The following COL13A1 variants were observed in gnomAD, a reference collection of about 807,000 sequenced individuals.
COL13A1 encodes the protein collagen type XIII alpha 1 chain, also known as collagen alpha-1(XIII) chain.
COL13A1 carries 89 observed loss-of-function variants against 130.9 expected under a neutral mutation model. That is an observed-to-expected ratio of 0.68 (90% CI 0.57 to 0.81). COL13A1 has a LOEUF of 0.81. Among genes scored for constraint, COL13A1 ranks in the 30% least tolerant of loss-of-function variants. The pLI, the probability that COL13A1 is intolerant of heterozygous loss-of-function variation, is 0.00. For missense variants in COL13A1, 879 were observed against 934.6 expected, an observed-to-expected ratio of 0.94 and a Z score of 0.78; for synonymous variants, 402 against 341.6, an observed-to-expected ratio of 1.18 and a Z score of -1.95.
chr10:69,936,107 A>C (rs1335382890), intron 32 of COL13A1, among the ~76,000 whole-genome samples: 2 of 5,514 alleles, frequency 3.6e-4, no homozygotes, highest in East Asian at 3.3e-3. Flanking sequence ...GAAGGGAGGA[A>C]GGAAGGAAGG....
chr10:69,875,291 C>T lies in COL13A1; in HGVS notation c.435+128C>T, dbSNP rs187940484. 2.0e-3 allele frequency: 2,317 copies of T among 1,134,052 alleles called. 15 individuals carry two copies. Among genetic ancestry groups the T allele is most frequent in the Middle Eastern group, 0.017 (85 of 5,014 alleles). The allele number at this position is 1,134,052 out of a possible 1,614,324, so 70.2% of individuals were successfully genotyped here. A position where few individuals can be genotyped will look rare whatever the true frequency, so the allele number is the denominator to read the frequency against. ...GAGGGGGTCAGCACTTTCCCTTCCC[C>T]AAGCCCCAGTGTGCTTTAGGGAGGG... On this transcript the variant is annotated intron_variant, in intron 5 of 40. Coordinates refer to ENST00000645393, the MANE Select transcript of COL13A1 (RefSeq NM_001368882.1).
At chr10:69,888,452 G>A (rs2060818202) in intron 9 of COL13A1, 122 bp downstream of exon 9, 6 of 1,385,618 alleles carry the variant, frequency 4.3e-6, no homozygotes, top group South Asian at 1.3e-5. Flanking sequence ...GGGGCTGAAG[G>A]TTGTCACTAG....
At chr10:69,947,915 A>G (rs1395599776) in intron 38 of COL13A1, among the ~76,000 whole-genome samples, 1 of 152,188 alleles carries the variant, frequency 6.6e-6, no homozygotes, top group African/African-American at 2.4e-5. Context: ...ACCAGGACAC[A>G]CTTACCAAAT....
chr10:69,810,327 G>A (rs1358382245), intron 1 of COL13A1, among the ~76,000 whole-genome samples: 1 of 133,248 alleles, frequency 7.5e-6, no homozygotes, highest in South Asian at 2.3e-4. Flanking sequence ...TCTGCGGCTG[G>A]ACCTGGCAGG....
chr10:69,907,899 CT>C (rs2099931005), intron 17 of COL13A1, among the ~76,000 whole-genome samples: 1 of 152,238 alleles, frequency 6.6e-6, no homozygotes, highest in Non-Finnish European at 1.5e-5. Context: ...ATCTAATCAC[CT>C]CTTAAAGGTC....
At chr10:69,859,471 C>T (rs114796155) in intron 2 of COL13A1, among the ~76,000 whole-genome samples, 2,019 of 152,324 alleles carry the variant, frequency 0.013, 40 homozygotes, top group African/African-American at 0.046. Flanking sequence ...CTCCGGCAGT[C>T]GCCGGGCAGG....
chr10:69,922,824 A>AGGT (rs1400702890), intron 23 of COL13A1, 30 bp downstream of exon 23: 4 of 1,486,844 alleles, frequency 2.7e-6, no homozygotes, highest in Non-Finnish European at 3.6e-6. Flanking sequence ...GGTGTTGGGG[A>AGGT]GGTGCTTACC....
intron 1 of COL13A1, among the ~76,000 whole-genome samples, chr10:69,814,182 G>A (rs186155984): frequency 1.4e-3 from 209 of 152,320 alleles, no homozygotes; most frequent in East Asian, 6.2e-3. Context: ...CACAGGGGCC[G>A]GAGCTTCGTC....
chr10:69,894,449 G>C, intron 10 of COL13A1, 103 bp from the exon 11 acceptor site: 1 of 1,367,464 alleles, frequency 7.3e-7, no homozygotes, highest in Non-Finnish European at 1.0e-6. Flanking sequence ...ATGGCTGGTA[G>C]AGCCCAGCCT....
intron 20 of COL13A1, 121 bp downstream of exon 20, chr10:69,919,209 C>A: frequency 1.5e-6 from 2 of 1,323,824 alleles, no homozygotes; most frequent in Non-Finnish European, 2.1e-6. Context: ...GGGGACCTGG[C>A]TAAGCAGAGA....
intron 22 of COL13A1, 109 bp downstream of exon 22, chr10:69,922,044 T>G: frequency 1.5e-6 from 2 of 1,354,258 alleles, no homozygotes; most frequent in South Asian, 1.5e-5. Flanking sequence ...TCTCCCAGAC[T>G]GCAGGAAAGG....
At chr10:69,867,727 T>C in intron 2 of COL13A1, 71 bp from the exon 3 acceptor site, 1 of 715,362 alleles carries the variant, frequency 1.4e-6, no homozygotes. Flanking sequence ...TGGACACTGC[T>C]TCCAAGGCGG....
At chr10:69,833,920 T>G in intron 2 of COL13A1, among the ~76,000 whole-genome samples, 1 of 151,934 alleles carries the variant, frequency 6.6e-6, no homozygotes, top group African/African-American at 2.4e-5. Context: ...AAAGCCAGCT[T>G]CTATTTGGTG....
At chr10:69,860,127 G>C (rs908746662) in intron 2 of COL13A1, among the ~76,000 whole-genome samples, 1 of 152,190 alleles carries the variant, frequency 6.6e-6, no homozygotes, top group Admixed American at 6.5e-5. Flanking sequence ...CTCACTCTGG[G>C]GTTCCCGGCC....
intron 35 of COL13A1, among the ~76,000 whole-genome samples, chr10:69,941,278 G>A (rs1474723842): frequency 6.6e-6 from 1 of 152,182 alleles, no homozygotes; most frequent in African/African-American, 2.4e-5. Context: ...TGGGGTGGGA[G>A]GCCACTCCAG....
chr10:69,897,869 C>T (rs536615799), intron 13 of COL13A1, among the ~76,000 whole-genome samples: 2 of 152,352 alleles, frequency 1.3e-5, no homozygotes, highest in African/African-American at 4.8e-5. Flanking sequence ...CCACGGGTTG[C>T]TCAGCTTCAA....
intron 2 of COL13A1, among the ~76,000 whole-genome samples, chr10:69,823,800 C>A (rs1477353363): frequency 6.6e-6 from 1 of 152,162 alleles, no homozygotes; most frequent in Admixed American, 6.5e-5. Flanking sequence ...AGCTCCCTCC[C>A]TCCCTCTGGG....
chr10:69,882,166 GCCC>G (rs1209099765), intron 7 of COL13A1, among the ~76,000 whole-genome samples: 3 of 152,230 alleles, frequency 2.0e-5, no homozygotes, highest in African/African-American at 7.2e-5. Flanking sequence ...CGAGGACTGA[GCCC>G]GGTGTGTTAG....
chr10:69,845,112 T>G (rs1852644134), intron 2 of COL13A1, among the ~76,000 whole-genome samples: 1 of 152,132 alleles, frequency 6.6e-6, no homozygotes, highest in Admixed American at 6.5e-5. Flanking sequence ...TCTGACACCC[T>G]CAAGATGCCT....
Sources: gnomAD v4.1 joint callset for allele counts (sites outside exome capture counted in the v4.1 genomes callset) on GRCh38, gnomAD v4.1.1 for gene constraint, MANE v1.5 for transcripts, NCBI Gene and HGNC (gene_info 2026-07-23, HGNC 2026-07-21) for gene names.